EPYC: variants seen among roughly 807,000 people sequenced by gnomAD.
EPYC encodes epiphycan.
Under a neutral mutation model 30.1 loss-of-function variants are expected in EPYC, and 28 were observed. That is an observed-to-expected ratio of 0.93 (90% CI 0.69 to 1.28). EPYC has a LOEUF of 1.28. EPYC is among the 50% of genes most tolerant of loss of function. The pLI is 0.00. For missense variants in EPYC, 382 were observed against 383.5 expected (o/e 1.00, Z 0.03); for synonymous variants, 144 against 141.4 (o/e 1.02, Z -0.13).
chr12:90,978,304 CTCAG>C (rs1380232270), intron 2 of EPYC, 42 bp from the exon 3 acceptor site: 1 of 1,552,674 alleles, frequency 6.4e-7, no homozygotes, highest in South Asian at 1.2e-5. Flanking sequence ...AGGCCAACTT[CTCAG>C]TCACTCTGTG....
chr12:90,988,977 A>C (rs1208024013), intron 2 of EPYC, among the ~76,000 whole-genome samples: 1 of 152,122 alleles, frequency 6.6e-6, no homozygotes, highest in African/African-American at 2.4e-5. Flanking sequence ...AAGGAAAATG[A>C]AACAGCTGAA....
rs1876817244 is a variant in EPYC, at chr12:90,963,694, A to G, written c.*462T>C. ...CACAAGGCCATTATAATTTTCAAAT[A>G]CATTTATTCTTTTTTTCATGCTCTT... On this transcript the variant is annotated 3_prime_UTR_variant, in exon 7 of 7. Coordinates refer to ENST00000261172, the MANE Select transcript of EPYC (RefSeq NM_004950.5). The G allele has an allele frequency of 6.6e-6, 1 of 152,372 alleles. No homozygotes were observed. The allele number at this position is 152,372 out of a possible 1,614,324, so 9.4% of individuals were successfully genotyped here.
At chr12:90,985,104 T>C (rs1323620723) in intron 2 of EPYC, among the ~76,000 whole-genome samples, 1 of 152,112 alleles carries the variant, frequency 6.6e-6, no homozygotes, top group Non-Finnish European at 1.5e-5. Context: ...ACAAATTCCT[T>C]ACTGGTCAGC....
intron 6 of EPYC, among the ~76,000 whole-genome samples, chr12:90,965,927 C>T (rs1313391868): frequency 6.6e-6 from 1 of 151,224 alleles, no homozygotes; most frequent in Non-Finnish European, 1.5e-5. Context: ...TCAGATTGTT[C>T]ATTGCTAGTG....
At chr12:90,967,666 G>T (rs2120793769) in intron 6 of EPYC, among the ~76,000 whole-genome samples, 1 of 152,266 alleles carries the variant, frequency 6.6e-6, no homozygotes, top group South Asian at 2.1e-4. Flanking sequence ...CTTATAGATA[G>T]TTGTTCTATC....
At chr12:90,976,495 A>G (rs1877183356) in intron 3 of EPYC, among the ~76,000 whole-genome samples, 1 of 152,104 alleles carries the variant, frequency 6.6e-6, no homozygotes, top group Non-Finnish European at 1.5e-5. Context: ...TCAAGACTAT[A>G]AAAACCCCAC....
At position 90,977,982 on chromosome 12, in the gene EPYC, C is replaced by CT. The variant is rs1592625454; in HGVS notation, c.340+105dup. The CT allele has an allele frequency of 3.8e-6, 4 of 1,045,336 alleles. No homozygotes were observed. In the East Asian group the frequency reaches 8.8e-5, roughly 23 times the overall value. 64.8% of individuals were successfully genotyped at this position (1,045,336 alleles called of 1,614,324 possible). A position where few individuals can be genotyped will look rare whatever the true frequency, so the allele number is the denominator to read the frequency against. On this transcript the variant is annotated intron_variant, in intron 3 of 6. Transcript: ENST00000261172. ...GCTTCAAACCTAGCCTATTCCAAAA[C>CT]TTTTTTCTTGGGTCATGTCATGTGG...
chr12:90,972,153 C>G (rs1178696482), intron 4 of EPYC, 151 bp from the exon 5 acceptor site: 1 of 556,180 alleles, frequency 1.8e-6, no homozygotes, highest in African/African-American at 1.9e-5. Flanking sequence ...ATTATTTCCT[C>G]CAAATACTAT....
In EPYC at chr12:91,002,549, C is replaced by T; in HGVS notation, c.17G>A (p.Gly6Glu). MKTLA[G>E]LVLGLVIFDA... is the part of the protein sequence containing the mutation. ...AAAGATGACAAGTCCCAGAACAAGT[C>T]CTGCTAATGTCTTCATTTTTCAAGC... is the stretch of plus-strand genomic sequence containing the variant. Residue 6 changes from glycine (G) to glutamate (E), a missense_variant, in exon 2 of 7, where the codon GGA (glycine) becomes GAA (glutamate). Transcript: ENST00000261172. The T allele has an allele frequency of 6.2e-7, 1 of 1,606,536 alleles. No individual in the cohort carries two copies. The highest frequency in any genetic ancestry group is 8.5e-7 in the Non-Finnish European group (1 of 1,177,922).
chr12:90,994,202 A>G (rs913805241), intron 2 of EPYC, among the ~76,000 whole-genome samples: 2 of 152,106 alleles, frequency 1.3e-5, no homozygotes, highest in African/African-American at 4.8e-5. Context: ...CCCAAGCACA[A>G]TGGGGTTAGC....
chr12:90,998,372 T>A (rs958286610), intron 2 of EPYC, among the ~76,000 whole-genome samples: 2 of 152,112 alleles, frequency 1.3e-5, no homozygotes, highest in African/African-American at 4.8e-5. Flanking sequence ...GATGGCATTG[T>A]TGGGTCTAAA....
intron 2 of EPYC, among the ~76,000 whole-genome samples, chr12:90,981,900 T>A (rs990367598): frequency 6.6e-6 from 1 of 152,152 alleles, no homozygotes; most frequent in Non-Finnish European, 1.5e-5. Flanking sequence ...AGGAAATCAA[T>A]GATAATGTAA....
At chr12:90,995,925 T>G (rs1877683997) in intron 2 of EPYC, among the ~76,000 whole-genome samples, 1 of 151,884 alleles carries the variant, frequency 6.6e-6, no homozygotes, top group African/African-American at 2.4e-5. Context: ...GAGATTAGCT[T>G]TTATTTTTCA....
At chr12:90,969,896 GA>G in intron 6 of EPYC, 147 bp downstream of exon 6, 3 of 646,662 alleles carry the variant, frequency 4.6e-6, no homozygotes, top group Non-Finnish European at 8.3e-6. Context: ...CTCAGATAAA[GA>G]GAGAGAATAA....
chr12:90,991,165 T>C (rs765219340), intron 2 of EPYC, among the ~76,000 whole-genome samples: 42 of 152,196 alleles, frequency 2.8e-4, no homozygotes, highest in Non-Finnish European at 7.4e-5. Flanking sequence ...GCATACATGC[T>C]ATTTAACTCT....
chr12:91,004,538 T>C (rs577987068), intron 1 of EPYC, among the ~76,000 whole-genome samples: 2 of 152,106 alleles, frequency 1.3e-5, no homozygotes, highest in African/African-American at 4.8e-5. Flanking sequence ...AAATGCATAA[T>C]GTCATGTAAT....
chr12:90,977,040 T>C (rs1311106952), intron 3 of EPYC, among the ~76,000 whole-genome samples: 2 of 152,178 alleles, frequency 1.3e-5, no homozygotes, highest in African/African-American at 2.4e-5. Flanking sequence ...GAAAATGGAT[T>C]AATACATACA....
intron 2 of EPYC, among the ~76,000 whole-genome samples, chr12:90,993,748 A>T (rs1416447855): frequency 3.3e-5 from 5 of 151,130 alleles, no homozygotes; most frequent in African/African-American, 4.8e-5. Flanking sequence ...TATGTAATAC[A>T]TTTATTATGT....
chr12:90,999,220 T>C (rs1211474103), intron 2 of EPYC, among the ~76,000 whole-genome samples: 2 of 151,968 alleles, frequency 1.3e-5, no homozygotes, highest in African/African-American at 2.4e-5. Flanking sequence ...AGGGCATGGG[T>C]ATACTAGGAA....
Sources: allele counts gnomAD v4.1 joint callset (sites outside exome capture counted in the v4.1 genomes callset), GRCh38; gene constraint gnomAD v4.1.1; transcripts MANE v1.5; gene names NCBI Gene and HGNC (gene_info 2026-07-23, HGNC 2026-07-21).